The following MFAP3L variants were observed in gnomAD, a reference collection of about 807,000 sequenced individuals.
The protein encoded by MFAP3L is microfibrillar-associated protein 3-like.
In MFAP3L, 5 loss-of-function variants were observed where a neutral mutation model predicts 20.0. That is an observed-to-expected ratio of 0.25 (90% CI 0.13 to 0.53). The LOEUF (loss-of-function observed/expected upper bound fraction) is 0.53, where lower values mean the gene tolerates loss of function less well. Among genes scored for constraint, MFAP3L ranks in the 20% least tolerant of loss-of-function variants. The pLI is 0.96. For synonymous variants in MFAP3L, 219 were observed against 213.0 expected, an observed-to-expected ratio of 1.03 and a Z score of -0.25; for missense variants, 409 against 527.5, an observed-to-expected ratio of 0.78 and a Z score of 2.20.
chr4:169,998,884 A>G (rs191099213), intron 2 of MFAP3L, among the ~76,000 whole-genome samples: 144 of 152,376 alleles, frequency 9.5e-4, no homozygotes, highest in African/African-American at 3.2e-3. Context: ...TTATGCAAAC[A>G]ATAAATGAAA....
intron 1 of MFAP3L, among the ~76,000 whole-genome samples, chr4:170,025,024 C>G (rs923100719): frequency 4.6e-5 from 7 of 152,350 alleles, no homozygotes; most frequent in Admixed American, 4.6e-4. Context: ...GTTAGCAGAA[C>G]TAGTTCCCAC....
rs964926361 is a variant in MFAP3L at position 169,987,896 on chromosome 4, C to T, written c.*3482G>A. The T allele has an allele frequency of 6.6e-6, 1 of 152,090 alleles. No homozygotes were observed. The highest frequency in any genetic ancestry group is 2.4e-5 in the African/African-American group (1 of 41,398). The allele number at this position is 152,090 out of a possible 1,614,324, so 9.4% of individuals were successfully genotyped here. On this transcript the variant is annotated 3_prime_UTR_variant, in exon 3 of 3. Coordinates refer to ENST00000361618, the MANE Select transcript of MFAP3L (RefSeq NM_021647.8). ...ACATTTGCCCTTCAAAACAAAGTTT[C>T]GACAACATAGACTGGTGCAATTAAA...
At chr4:170,006,069 C>T in intron 1 of MFAP3L, 59 bp from the exon 2 acceptor site, 1 of 1,289,928 alleles carries the variant, frequency 7.8e-7, no homozygotes, top group Non-Finnish European at 1.0e-6. Context: ...CCATTCAAAA[C>T]ACTATAAACG....
At chr4:170,014,737 G>A (rs1422684626) in intron 1 of MFAP3L, among the ~76,000 whole-genome samples, 1 of 152,170 alleles carries the variant, frequency 6.6e-6, no homozygotes, top group African/African-American at 2.4e-5. Flanking sequence ...TAATGAAAGA[G>A]CCCTTCTCAA....
At chr4:169,997,855 T>G (rs1738305444) in intron 2 of MFAP3L, 1 of 958,984 alleles carries the variant, frequency 1.0e-6, no homozygotes, top group Non-Finnish European at 1.2e-6. Context: ...GACACTCCCA[T>G]GCACTGCAGG....
chr4:170,004,164 C>T (rs961710971), intron 2 of MFAP3L, among the ~76,000 whole-genome samples: 1 of 152,080 alleles, frequency 6.6e-6, no homozygotes, highest in African/African-American at 2.4e-5. Context: ...ACCATGTTGG[C>T]CAGGCTGGTC....
chr4:170,020,378 C>G (rs557189730), intron 1 of MFAP3L, among the ~76,000 whole-genome samples: 1 of 152,168 alleles, frequency 6.6e-6, no homozygotes, highest in Non-Finnish European at 1.5e-5. Flanking sequence ...TGGGTTTCCC[C>G]TGGGTTATGT....
chr4:169,991,996 G>A lies in MFAP3L; in HGVS notation c.612C>T (p.Ile204=), dbSNP rs767808150. ...AGGTGATGATGGGGATGCGCTTGGC[G>A]ATCTCAAATGCCTTCTGCAGCTTCT... The part of the protein sequence containing the change: ...GAEKLQKAFE[I]AKRIPIITSA... Residue 204 remains isoleucine (I), a synonymous_variant, in exon 3 of 3, where the codon ATC becomes ATT. Transcript: ENST00000361618. The surrounding 1 kb of genome is among the most constrained non-coding windows in gnomAD (Gnocchi z 4.9). The A allele has an allele frequency of 1.3e-5, 21 of 1,614,024 alleles. No homozygotes were observed. Among genetic ancestry groups the A allele is most frequent in the East Asian group, 2.2e-5 (1 of 44,888 alleles).
chr4:170,016,953 G>A (rs1739736643), intron 1 of MFAP3L, among the ~76,000 whole-genome samples: 1 of 152,162 alleles, frequency 6.6e-6, no homozygotes, highest in Non-Finnish European at 1.5e-5. Context: ...TGCCAGAAAT[G>A]TATGCTCTTG....
At chr4:170,000,213 C>T (rs1196657928) in intron 2 of MFAP3L, among the ~76,000 whole-genome samples, 2 of 152,162 alleles carry the variant, frequency 1.3e-5, no homozygotes, top group African/African-American at 4.8e-5. Flanking sequence ...GGAAAGGAGG[C>T]CTCTGATGAG....
chr4:170,016,932 C>T (rs142818331), intron 1 of MFAP3L, among the ~76,000 whole-genome samples: 23 of 152,256 alleles, frequency 1.5e-4, no homozygotes, highest in African/African-American at 4.3e-4. Context: ...ACACAGAAGA[C>T]GAGGCGGAGA....
intron 1 of MFAP3L, among the ~76,000 whole-genome samples, chr4:170,015,920 G>T (rs1739671775): frequency 6.6e-6 from 1 of 152,080 alleles, no homozygotes; most frequent in South Asian, 2.1e-4. Context: ...GTTCCACAGG[G>T]GGTCTGACCA....
chr4:170,025,117 A>T (rs1172515835), intron 1 of MFAP3L, among the ~76,000 whole-genome samples: 1 of 152,248 alleles, frequency 6.6e-6, no homozygotes, highest in Non-Finnish European at 1.5e-5. Flanking sequence ...AGGAATAAAC[A>T]ACTGTAGAAA....
chr4:169,997,364 C>T (rs1242080145), intron 2 of MFAP3L, among the ~76,000 whole-genome samples: 1 of 151,952 alleles, frequency 6.6e-6, no homozygotes, highest in Admixed American at 6.6e-5. Context: ...ATATAAAATA[C>T]ACCATATTAA....
chr4:169,998,635 T>A (rs1426180528), intron 2 of MFAP3L, among the ~76,000 whole-genome samples: 3 of 152,212 alleles, frequency 2.0e-5, no homozygotes, highest in African/African-American at 7.2e-5. Context: ...CTTTTAAAAT[T>A]TCCAATCTTT....
At chr4:170,018,957 A>G (rs373154489) in intron 1 of MFAP3L, among the ~76,000 whole-genome samples, 11 of 152,358 alleles carry the variant, frequency 7.2e-5, no homozygotes, top group African/African-American at 2.4e-4. Context: ...GCAGCTGAGA[A>G]GCAAGAACGC....
intron 1 of MFAP3L, among the ~76,000 whole-genome samples, chr4:170,013,283 T>C (rs1308313760): frequency 6.6e-6 from 1 of 152,132 alleles, no homozygotes; most frequent in Non-Finnish European, 1.5e-5. Context: ...CTACTAAACA[T>C]AAATGTTGGT....
intron 2 of MFAP3L, among the ~76,000 whole-genome samples, chr4:169,997,126 T>C (rs1413432035): frequency 6.6e-5 from 10 of 152,174 alleles, no homozygotes; most frequent in Admixed American, 6.5e-4. Context: ...TAGATGACTG[T>C]TCATTTGCAA....
At chr4:170,021,186 G>A (rs1740012805) in intron 1 of MFAP3L, among the ~76,000 whole-genome samples, 1 of 152,180 alleles carries the variant, frequency 6.6e-6, no homozygotes. Flanking sequence ...CAGCAGGTGG[G>A]CCCTCTGCAC....
Sources: allele counts gnomAD v4.1 joint callset (sites outside exome capture counted in the v4.1 genomes callset), GRCh38; gene constraint gnomAD v4.1.1; non-coding constraint Gnocchi (gnomAD v3.1); transcripts MANE v1.5; gene names NCBI Gene and HGNC (gene_info 2026-07-23, HGNC 2026-07-21).